The following ZNF652 variants were observed in gnomAD, a reference collection of about 807,000 sequenced individuals.
ZNF652 encodes zinc finger protein 652.
ZNF652 carries 16 observed loss-of-function variants against 45.2 expected under a neutral mutation model. That is an observed-to-expected ratio of 0.35 (90% CI 0.24 to 0.54). ZNF652 has a LOEUF of 0.54. Ranked by LOEUF, ZNF652 falls within the 20% of genes least tolerant of loss-of-function variation. The pLI is 0.91. For missense variants in ZNF652, 614 were observed against 765.6 expected (o/e 0.80, Z 2.34); for synonymous variants, 250 against 260.6 (o/e 0.96, Z 0.39).
chr17:49,356,618 T>C (rs1427802880), intron 1 of ZNF652, among the ~76,000 whole-genome samples: 2 of 152,098 alleles, frequency 1.3e-5, no homozygotes, highest in African/African-American at 2.4e-5. Context: ...TTTTTTAAAG[T>C]ATACTGCAAA....
At chr17:49,354,787 G>A (rs2070318616) in intron 1 of ZNF652, among the ~76,000 whole-genome samples, 1 of 151,828 alleles carries the variant, frequency 6.6e-6, no homozygotes, top group South Asian at 2.1e-4. Context: ...GTGCAGTGGT[G>A]CAATCTTGGC....
intron 5 of ZNF652, among the ~76,000 whole-genome samples, chr17:49,300,898 C>T (rs1329505043): frequency 1.3e-5 from 2 of 152,170 alleles, no homozygotes; most frequent in South Asian, 2.1e-4. Context: ...AATTAATAAA[C>T]TTGCTCAAGT....
intron 1 of ZNF652, among the ~76,000 whole-genome samples, chr17:49,327,064 G>C (rs2143835800): frequency 6.6e-6 from 1 of 152,148 alleles, no homozygotes; most frequent in Non-Finnish European, 1.5e-5. Context: ...GAAACGCTTG[G>C]TAAATTCTAC....
intron 1 of ZNF652, among the ~76,000 whole-genome samples, chr17:49,347,792 G>A (rs1317038618): frequency 2.2e-5 from 3 of 134,014 alleles, no homozygotes; most frequent in Non-Finnish European, 3.1e-5. Context: ...CACTGAGGCT[G>A]GAAATGCAGT....
At chr17:49,318,709 G>A (rs2069845856) in intron 1 of ZNF652, among the ~76,000 whole-genome samples, 1 of 152,164 alleles carries the variant, frequency 6.6e-6, no homozygotes, top group Non-Finnish European at 1.5e-5. Context: ...AAACACGCAA[G>A]AGCTTTATAT....
At chr17:49,338,951 A>G (rs914231043) in intron 1 of ZNF652, among the ~76,000 whole-genome samples, 1 of 152,200 alleles carries the variant, frequency 6.6e-6, no homozygotes, top group East Asian at 1.9e-4. Context: ...CAGTGACTCA[A>G]TAATTCCTTA....
intron 1 of ZNF652, among the ~76,000 whole-genome samples, chr17:49,350,532 A>G (rs993963807): frequency 3.7e-5 from 4 of 107,172 alleles, no homozygotes; most frequent in African/African-American, 1.5e-4. Context: ...GAGATGAGAG[A>G]CTCCGCCTCA....
chr17:49,292,298 G>C lies in ZNF652; in HGVS notation c.*6115C>G, dbSNP rs1397737420. 2.0e-5 allele frequency among the ~76,000 whole-genome samples: 3 copies of C among 151,986 alleles called. No homozygotes were observed. The highest frequency in any genetic ancestry group is 7.3e-5 in the African/African-American group (3 of 41,352). ...TGTCCACAGCACAAACTTCCACTCT[G>C]GCTGTGAAGGACTAGCCAATTGCTA... On this transcript the variant is annotated 3_prime_UTR_variant, in exon 6 of 6. Transcript: ENST00000430262.
At chr17:49,300,617 C>T (rs186903254) in intron 5 of ZNF652, among the ~76,000 whole-genome samples, 58 of 152,230 alleles carry the variant, frequency 3.8e-4, no homozygotes, top group Middle Eastern at 3.4e-3. Flanking sequence ...ATATGCACTT[C>T]GGTGAACCAT....
chr17:49,292,411 C>T lies in ZNF652; in HGVS notation c.*6002G>A, dbSNP rs796612975. On this transcript the variant is annotated 3_prime_UTR_variant, in exon 6 of 6. Transcript: ENST00000430262. ...CATCCTTCATATATTATGGATCCATCATACATTTTAAACAAATTAGATGAA... is the reference window on the plus strand; with the variant it reads ...CATCCTTCATATATTATGGATCCATTATACATTTTAAACAAATTAGATGAA... Among the ~76,000 whole-genome samples the T allele has an allele frequency of 1.2e-4, 18 of 152,278 alleles. No homozygotes were observed. Among genetic ancestry groups the T allele is most frequent in the African/African-American group, 4.3e-4 (18 of 41,564 alleles).
At chr17:49,341,226 G>T (rs2070142346) in intron 1 of ZNF652, among the ~76,000 whole-genome samples, 1 of 150,188 alleles carries the variant, frequency 6.7e-6, no homozygotes, top group Admixed American at 6.7e-5. Context: ...AAAAAGAAAA[G>T]AAAAGAAGAA....
At chr17:49,308,796 C>T (rs528322551) in intron 5 of ZNF652, among the ~76,000 whole-genome samples, 8 of 146,542 alleles carry the variant, frequency 5.5e-5, no homozygotes, top group Admixed American at 2.0e-4. Flanking sequence ...AGCAATAGTC[C>T]GTCTCAAAAA....
intron 5 of ZNF652, among the ~76,000 whole-genome samples, chr17:49,309,329 TAAAAAAAAAAA>T (rs11307814): frequency 1.2e-4 from 8 of 66,310 alleles, no homozygotes; most frequent in African/African-American, 4.9e-4. Flanking sequence ...CTGTCTCTAC[TAAAAAAAAAAA>T]AAAAAAAAAA....
In ZNF652 at chr17:49,298,339, T is replaced by C. The variant is rs1335304727; in HGVS notation, c.*74A>G. 6.4e-7 allele frequency: 1 copy of C among 1,568,164 alleles called. No homozygotes were observed. The highest frequency in any genetic ancestry group is 2.2e-5 in the East Asian group (1 of 44,460). Reference sequence around the variant, plus strand: ...GAGGAGAGTCTGAGAACTAAGGAAATGCTCACCGACTCCCTCTGTGCACGC... The same window carrying C: ...GAGGAGAGTCTGAGAACTAAGGAAACGCTCACCGACTCCCTCTGTGCACGC... On this transcript the variant is annotated 3_prime_UTR_variant, in exon 6 of 6. Coordinates refer to ENST00000430262, the MANE Select transcript of ZNF652 (RefSeq NM_001145365.3).
chr17:49,295,297 C>T lies in ZNF652; in HGVS notation c.*3116G>A, dbSNP rs1205045010. On this transcript the variant is annotated 3_prime_UTR_variant, in exon 6 of 6. Transcript: ENST00000430262. ...TATTCTGAGTAGTTTTCCTGAAGAC[C>T]ACAAGTCTCAAGTCAAGGAAAGTAT... The T allele has an allele frequency of 6.6e-6, 1 of 151,494 alleles. No homozygotes were observed. Among genetic ancestry groups the T allele is most frequent in the Non-Finnish European group, 1.5e-5 (1 of 67,918 alleles). The allele number at this position is 151,494 out of a possible 1,614,324, so 9.4% of individuals were successfully genotyped here.
At chr17:49,342,841 C>T (rs2070163957) in intron 1 of ZNF652, among the ~76,000 whole-genome samples, 1 of 151,946 alleles carries the variant, frequency 6.6e-6, no homozygotes, top group Non-Finnish European at 1.5e-5. Flanking sequence ...GCTGGGAAAG[C>T]TGATGGAAGA....
At chr17:49,353,501 G>A (rs779722845) in intron 1 of ZNF652, among the ~76,000 whole-genome samples, 30 of 151,780 alleles carry the variant, frequency 2.0e-4, no homozygotes, top group Non-Finnish European at 4.0e-4. Context: ...TTTTGAGACA[G>A]AGTCTCGCTC....
At chr17:49,304,916 A>G (rs2069608099) in intron 5 of ZNF652, among the ~76,000 whole-genome samples, 1 of 151,840 alleles carries the variant, frequency 6.6e-6, no homozygotes, top group Non-Finnish European at 1.5e-5. Context: ...ATACATATAT[A>G]CACACACACA....
chr17:49,328,449 GA>G (rs2069989891), intron 1 of ZNF652, among the ~76,000 whole-genome samples: 1 of 152,136 alleles, frequency 6.6e-6, no homozygotes, highest in Non-Finnish European at 1.5e-5. Context: ...ATTTCATGTT[GA>G]AATGTAATCC....
Sources: allele counts gnomAD v4.1 joint callset (sites outside exome capture counted in the v4.1 genomes callset), GRCh38; gene constraint gnomAD v4.1.1; transcripts MANE v1.5; gene names NCBI Gene and HGNC (gene_info 2026-07-23, HGNC 2026-07-21).